The following ATRN variants were observed in gnomAD, a reference collection of about 807,000 sequenced individuals.
ATRN encodes the protein attractin.
A neutral mutation model predicts 178.7 loss-of-function variants in ATRN; 54 were observed. The observed-to-expected ratio is 0.30, with a 90% CI of 0.24 to 0.38. The LOEUF (loss-of-function observed/expected upper bound fraction) is 0.38. Among genes scored for constraint, ATRN ranks in the 10% least tolerant of loss-of-function variants. ATRN has a pLI of 1.00. For missense variants in ATRN, 1,443 were observed against 1,815.1 expected (o/e 0.79, Z 3.73); for synonymous variants, 636 against 663.0 (o/e 0.96, Z 0.63).
chr20:3,504,712 A>G (rs1329371107), intron 1 of ATRN, among the ~76,000 whole-genome samples: 11 of 133,776 alleles, frequency 8.2e-5, no homozygotes, highest in Non-Finnish European at 1.2e-4. Context: ...TAATAATAAT[A>G]ATAATAATAA....
intron 1 of ATRN, chr20:3,490,933 C>G (rs924764320): frequency 6.9e-7 from 1 of 1,450,228 alleles, no homozygotes; most frequent in Non-Finnish European, 9.7e-7. Context: ...GTGAGCATCT[C>G]TTTGGCCATG....
At chr20:3,474,693 C>T (rs2084492614) in intron 1 of ATRN, among the ~76,000 whole-genome samples, 1 of 149,508 alleles carries the variant, frequency 6.7e-6, no homozygotes, top group South Asian at 2.1e-4. Context: ...GGTGACAGAG[C>T]GAGAGTCCAT....
At chr20:3,574,524 A>G (rs1297849076) in intron 12 of ATRN, among the ~76,000 whole-genome samples, 1 of 152,160 alleles carries the variant, frequency 6.6e-6, no homozygotes, top group Admixed American at 6.5e-5. Context: ...CAAAAACAAA[A>G]AAACAGGCCA....
rs182657572 is a variant in ATRN at position 3,586,485 on chromosome 20, C to T, written c.3184+1605C>T. Among the ~76,000 whole-genome samples, 424 of 150,868 alleles carry T rather than the reference C, an allele frequency of 2.8e-3. 4 individuals are homozygous for T. Among genetic ancestry groups the T allele is most frequent in the Non-Finnish European group, 9.6e-4 (65 of 67,784 alleles). ...AGCATTATTTTCTGACATGGATTAC[C>T]CTAAAAAAAATGCTATGTGAAAGAA... is the stretch of plus-strand genomic sequence containing the variant. On this transcript the variant is annotated intron_variant, in intron 18 of 28. Transcript: ENST00000262919.
intron 1 of ATRN, among the ~76,000 whole-genome samples, chr20:3,498,832 G>C (rs1019292199): frequency 7.0e-6 from 1 of 143,694 alleles, no homozygotes; most frequent in African/African-American, 2.6e-5. Flanking sequence ...GTTCTGGCCA[G>C]GGCAATTAGG....
chr20:3,489,780 C>T lies in ATRN; in HGVS notation c.410+18263C>T, dbSNP rs191668402. The stretch of plus-strand genomic sequence containing the variant: ...AGCAAAGTGTCACTGGAAGGCTTTG[C>T]GCCCTTGGTAGGTGTAGTTTCCACA... On this transcript the variant is annotated intron_variant, in intron 1 of 28. Transcript: ENST00000262919. 6.6e-4 allele frequency: 900 copies of T among 1,355,418 alleles called. 6 individuals are homozygous for T. The African/African-American group carries it at 0.011, about 17-fold the overall frequency. The allele number at this position is 1,355,418 out of a possible 1,614,324, so 84.0% of individuals were successfully genotyped here. A position where few individuals can be genotyped will look rare whatever the true frequency, so the allele number is the denominator to read the frequency against.
chr20:3,484,909 AATTATTATTATT>A (rs11470490), intron 1 of ATRN, among the ~76,000 whole-genome samples: 6,399 of 143,934 alleles, frequency 0.044, 189 homozygotes, highest in Non-Finnish European at 0.061. Flanking sequence ...TGGATTTTAA[AATTATTATTATT>A]ATTATTATTA....
intron 22 of ATRN, 108 bp downstream of exon 22, chr20:3,598,108 C>CA: frequency 2.8e-6 from 2 of 705,240 alleles, no homozygotes; most frequent in Non-Finnish European, 5.0e-6. Flanking sequence ...GACTGGAGTA[C>CA]ACGAGATGAT....
intron 11 of ATRN, among the ~76,000 whole-genome samples, chr20:3,567,974 T>C (rs1235254296): frequency 1.3e-5 from 2 of 152,158 alleles, no homozygotes; most frequent in Non-Finnish European, 2.9e-5. Context: ...AATGTGGTAC[T>C]GAGTAAGCCT....
At chr20:3,611,962 T>C (rs1179058430) in intron 24 of ATRN, among the ~76,000 whole-genome samples, 2 of 152,212 alleles carry the variant, frequency 1.3e-5, no homozygotes, top group Non-Finnish European at 2.9e-5. Context: ...GTTATACTTA[T>C]CATATAACCC....
At position 3,505,821 on chromosome 20, in the gene ATRN, C is replaced by T. The variant is rs181649285; in HGVS notation, c.411-29432C>T. The stretch of plus-strand genomic sequence containing the variant: ...TGATTTAATAAAAAAGCAGAAATGG[C>T]TGTATTAATATTTGATAAATTAGAC... On this transcript the variant is annotated intron_variant, in intron 1 of 28. Transcript: ENST00000262919. 3.5e-3 allele frequency among the ~76,000 whole-genome samples: 526 copies of T among 152,214 alleles called. 2 individuals are homozygous for T. Among genetic ancestry groups the T allele is most frequent in the Non-Finnish European group, 5.2e-3 (356 of 68,014 alleles).
intron 1 of ATRN, among the ~76,000 whole-genome samples, chr20:3,500,455 G>C (rs1237524214): frequency 1.3e-5 from 2 of 151,724 alleles, no homozygotes; most frequent in Non-Finnish European, 2.9e-5. Flanking sequence ...AACAATGATA[G>C]ACTGGATTAA....
intron 11 of ATRN, among the ~76,000 whole-genome samples, chr20:3,572,445 T>A (rs1473671964): frequency 6.6e-6 from 1 of 152,188 alleles, no homozygotes; most frequent in Non-Finnish European, 1.5e-5. Context: ...GGAATCATAA[T>A]GTTTTTTAAG....
intron 1 of ATRN, among the ~76,000 whole-genome samples, chr20:3,516,624 T>C (rs2085209902): frequency 6.6e-6 from 1 of 152,144 alleles, no homozygotes; most frequent in African/African-American, 2.4e-5. Context: ...AAGGGGGATA[T>C]GAAGAAAATG....
At chr20:3,476,928 A>G (rs2084539833) in intron 1 of ATRN, among the ~76,000 whole-genome samples, 1 of 152,060 alleles carries the variant, frequency 6.6e-6, no homozygotes, top group African/African-American at 2.4e-5. Context: ...TTTTTCTTAT[A>G]GTAATTACTA....
chr20:3,560,946 A>T lies in ATRN; in HGVS notation c.1447+41A>T, dbSNP rs760442274. On this transcript the variant is annotated intron_variant, in intron 8 of 28. Transcript: ENST00000262919. ...CCAGTAGATGCCTTTTGAACATCAG[A>T]TTTAAAACCTCTAAGCTTATTATTT... 6 of 1,600,360 alleles carry T rather than the reference A, an allele frequency of 3.7e-6. No homozygotes were observed. In the Admixed American group the frequency reaches 1.0e-4, roughly 27 times the overall value.
At chr20:3,520,468 AG>A (rs2085277987) in intron 1 of ATRN, among the ~76,000 whole-genome samples, 2 of 152,154 alleles carry the variant, frequency 1.3e-5, no homozygotes, top group South Asian at 4.1e-4. Flanking sequence ...TTCCAGGTAA[AG>A]GGGGAAATGA....
chr20:3,625,209 AG>A (rs1373021305), intron 25 of ATRN, among the ~76,000 whole-genome samples: 1 of 152,098 alleles, frequency 6.6e-6, no homozygotes, highest in African/African-American at 2.4e-5. Flanking sequence ...TTGGTTTTTC[AG>A]TTAAGTTCTC....
chr20:3,582,441 G>A (rs963653193), intron 16 of ATRN, 87 bp downstream of exon 16: 6 of 1,228,162 alleles, frequency 4.9e-6, no homozygotes, highest in Admixed American at 1.8e-5. Context: ...GATGTGTGAA[G>A]TAGTCATGAA....
Sources: gnomAD v4.1 joint callset for allele counts (sites outside exome capture counted in the v4.1 genomes callset) on GRCh38, gnomAD v4.1.1 for gene constraint, MANE v1.5 for transcripts, NCBI Gene and HGNC (gene_info 2026-07-23, HGNC 2026-07-21) for gene names.